PRKCH: variants seen among roughly 807,000 people sequenced by gnomAD.
PRKCH encodes the protein protein kinase C eta type.
A neutral mutation model predicts 82.5 loss-of-function variants in PRKCH; 28 were observed. The ratio of observed to expected loss-of-function variants is 0.34; its 90% CI spans 0.25 to 0.47. PRKCH has a LOEUF of 0.47. Ranked by LOEUF, PRKCH falls within the 20% of genes least tolerant of loss-of-function variation. The probability of loss-of-function intolerance (pLI) is 1.00; values close to 1 mark genes in which losing one functional copy is unlikely to be tolerated. For synonymous variants in PRKCH, 322 were observed against 327.4 expected, an observed-to-expected ratio of 0.98 and a Z score of 0.18; for missense variants, 705 against 881.8, an observed-to-expected ratio of 0.80 and a Z score of 2.54.
At position 61,329,254 on chromosome 14, in the gene PRKCH, T is replaced by G. The variant is rs199663391; in HGVS notation, c.363+6790T>G. 2.4e-3 allele frequency among the ~76,000 whole-genome samples: 298 copies of G among 122,394 alleles called. 1 individual carries two copies. The highest frequency in any genetic ancestry group is 5.1e-3 in the African/African-American group (158 of 30,902). The allele number at this position is 122,394 out of a possible 152,430, so 80.3% of individuals were successfully genotyped here. On this transcript the variant is annotated intron_variant, in intron 1 of 13. Transcript: ENST00000332981. The stretch of plus-strand genomic sequence containing the variant: ...TGAGTCTTTTTTTTTTTTTTTTTTT[T>G]GAGACAGAATCTCTCTCTGTTGCCC...
chr14:61,230,527 C>T (rs1309448556), intron 1 of PRKCH, among the ~76,000 whole-genome samples: 1 of 152,138 alleles, frequency 6.6e-6, no homozygotes, highest in Non-Finnish European at 1.5e-5. Context: ...CAACTTAGGT[C>T]GTGTCTCATT....
At chr14:61,453,398 T>C in intron 7 of PRKCH, 45 bp downstream of exon 7, 1 of 1,597,234 alleles carries the variant, frequency 6.3e-7, no homozygotes, top group Non-Finnish European at 8.5e-7. Context: ...TAGAAGTTGC[T>C]CAGATGTGAT....
intron 12 of PRKCH, among the ~76,000 whole-genome samples, chr14:61,532,779 C>G (rs943035894): frequency 2.0e-5 from 3 of 152,194 alleles, no homozygotes; most frequent in African/African-American, 7.2e-5. Flanking sequence ...GAGGAAACAG[C>G]CTCTGGTGCC....
intron 1 of PRKCH, among the ~76,000 whole-genome samples, chr14:61,188,438 C>A (rs1489948686): frequency 1.3e-5 from 2 of 151,874 alleles, no homozygotes; most frequent in Non-Finnish European, 2.9e-5. Context: ...CCGGCTCCGG[C>A]TCCGGGTCGG....
At chr14:61,356,687 T>C (rs1310771597) in intron 1 of PRKCH, among the ~76,000 whole-genome samples, 1 of 152,116 alleles carries the variant, frequency 6.6e-6, no homozygotes, top group East Asian at 1.9e-4. Flanking sequence ...AAATTTTGTT[T>C]TGTTTTGTTT....
At chr14:61,237,766 T>C (rs1402537914) in intron 1 of PRKCH, among the ~76,000 whole-genome samples, 1 of 152,210 alleles carries the variant, frequency 6.6e-6, no homozygotes, top group African/African-American at 2.4e-5. Flanking sequence ...CATGTATTGA[T>C]TGATGTCTTA....
chr14:61,285,479 G>A (rs962021581), intron 1 of PRKCH, among the ~76,000 whole-genome samples: 19 of 152,166 alleles, frequency 1.2e-4, no homozygotes, highest in Admixed American at 7.2e-4. Flanking sequence ...TTATCTGTAC[G>A]AACGTGTTTA....
chr14:61,381,163 G>A (rs377221689), intron 1 of PRKCH, among the ~76,000 whole-genome samples: 28 of 152,248 alleles, frequency 1.8e-4, no homozygotes, highest in South Asian at 1.2e-3. Flanking sequence ...TTGAGATGCC[G>A]AAGCCAGGTG....
chr14:61,388,769 C>T (rs1045212175), intron 1 of PRKCH, among the ~76,000 whole-genome samples: 1 of 152,160 alleles, frequency 6.6e-6, no homozygotes, highest in Non-Finnish European at 1.5e-5. Context: ...TAAAGGTTCA[C>T]AAGTGGTATT....
chr14:61,449,294 T>A (rs746216441), intron 5 of PRKCH, 42 bp downstream of exon 5: 2 of 1,499,962 alleles, frequency 1.3e-6, no homozygotes, highest in South Asian at 1.1e-5. Context: ...GCGTGTGTAT[T>A]GTGTATGCTG....
At chr14:61,206,937 T>A (rs2044528866) in intron 1 of PRKCH, among the ~76,000 whole-genome samples, 1 of 151,058 alleles carries the variant, frequency 6.6e-6, no homozygotes, top group Non-Finnish European at 1.5e-5. Flanking sequence ...AGAAACCCCG[T>A]CTCTACTAAA....
In PRKCH at chr14:61,428,273, A is replaced by G. The variant is rs554876577; in HGVS notation, c.428-14838A>G. On this transcript the variant is annotated intron_variant, in intron 2 of 13. Coordinates refer to ENST00000332981, the MANE Select transcript of PRKCH (RefSeq NM_006255.5). ...CTCACCCTCCGAAAGTGCTGGGATT[A>G]TAGGTGCTCTGCACTCTAGCCTTTG... 1.4e-3 allele frequency among the ~76,000 whole-genome samples: 212 copies of G among 152,200 alleles called. 2 individuals are homozygous for G. Among genetic ancestry groups the G allele is most frequent in the Middle Eastern group, 6.8e-3 (2 of 294 alleles).
intron 2 of PRKCH, among the ~76,000 whole-genome samples, chr14:61,423,847 T>C (rs1268380990): frequency 6.6e-6 from 1 of 152,188 alleles, no homozygotes; most frequent in Non-Finnish European, 1.5e-5. Flanking sequence ...TTTTTAAATA[T>C]AATAACTGAT....
Position 61,202,489 on chromosome 14 carries a change from A to T in PRKCH, c.-19+14821A>T, listed in dbSNP as rs548582285. 3.9e-5 allele frequency among the ~76,000 whole-genome samples: 6 copies of T among 152,306 alleles called. No individual in the cohort carries two copies. The South Asian group carries it at 1.2e-3, about 32-fold the overall frequency. On this transcript the variant is annotated intron_variant, in intron 1 of 3. Coordinates refer to the PRKCH transcript ENST00000555185. ...TTGTCTCCTGTACATATATAGATGC[A>T]TGGAAAATGGTCTGCAAGGATACAG...
chr14:61,294,061 C>A (rs925907504), intron 1 of PRKCH, among the ~76,000 whole-genome samples: 22 of 152,186 alleles, frequency 1.4e-4, no homozygotes, highest in African/African-American at 5.3e-4. Context: ...CTCTCCACTC[C>A]CAGAGATGTG....
At chr14:61,241,436 G>A (rs2044836077) in intron 1 of PRKCH, among the ~76,000 whole-genome samples, 2 of 152,152 alleles carry the variant, frequency 1.3e-5, no homozygotes, top group Non-Finnish European at 2.9e-5. Flanking sequence ...TTGTGGGATG[G>A]GCTGAAAGTC....
At chr14:61,286,680 G>C (rs916934873) in intron 1 of PRKCH, among the ~76,000 whole-genome samples, 3 of 152,092 alleles carry the variant, frequency 2.0e-5, no homozygotes, top group Admixed American at 2.0e-4. Flanking sequence ...GGAGGCTGAG[G>C]CAGGAGAATC....
At chr14:61,300,970 C>T (rs554496097) in intron 1 of PRKCH, among the ~76,000 whole-genome samples, 2 of 152,210 alleles carry the variant, frequency 1.3e-5, no homozygotes, top group East Asian at 3.9e-4. Context: ...TCCAACCGAT[C>T]TTTGGGCCCT....
intron 2 of PRKCH, among the ~76,000 whole-genome samples, chr14:61,396,839 G>A (rs1234415291): frequency 6.6e-6 from 1 of 152,152 alleles, no homozygotes; most frequent in Non-Finnish European, 1.5e-5. Context: ...TTATGTGTGG[G>A]CTTGCCCAGG....
Sources: allele counts gnomAD v4.1 joint callset (sites outside exome capture counted in the v4.1 genomes callset), GRCh38; gene constraint gnomAD v4.1.1; transcripts MANE v1.5; gene names NCBI Gene and HGNC (gene_info 2026-07-23, HGNC 2026-07-21).